KREMEN1: variants seen among roughly 807,000 people sequenced by gnomAD.
The protein encoded by KREMEN1 is kremen protein 1.
KREMEN1 carries 30 observed loss-of-function variants against 46.5 expected under a neutral mutation model. That is an observed-to-expected ratio of 0.65 (90% confidence interval 0.48 to 0.88). The LOEUF is 0.88. Among genes scored for constraint, KREMEN1 ranks in the 40% least tolerant of loss-of-function variants. KREMEN1 has a pLI of 0.00. For missense variants in KREMEN1, 533 were observed against 596.9 expected (o/e 0.89, Z 1.11); for synonymous variants, 214 against 230.6 (o/e 0.93, Z 0.65).
At chr22:29,074,024 G>A (rs1170304000) in intron 1 of KREMEN1, among the ~76,000 whole-genome samples, 10 of 152,198 alleles carry the variant, frequency 6.6e-5, no homozygotes, top group Admixed American at 6.5e-4. Context: ...CGCCTACACC[G>A]GTGGAACCCG....
At chr22:29,167,557 G>A (rs928641672) in exon 10 of KREMEN1, 9 of 159,320 alleles carry the variant, frequency 5.6e-5, no homozygotes, top group Non-Finnish European at 1.1e-4. Flanking sequence ...GCGGAAGGAG[G>A]GACTTCCCAC....
rs1302964542 is a variant in KREMEN1 at position 29,131,754 on chromosome 22, A to ATG, written c.632-5586_632-5585dup. ...TATATATGTGTATATATATGTATATATGTATATATATATGTATATATATAT... is the reference window on the plus strand; with the variant it reads ...TATATATGTGTATATATATGTATATATGTGTATATATATATGTATATATATAT... On this transcript the variant is annotated intron_variant, in intron 5 of 8. Coordinates refer to ENST00000400335, the MANE Select transcript of KREMEN1 (RefSeq NM_001039570.3). 2.2e-5 allele frequency among the ~76,000 whole-genome samples: 3 copies of ATG among 133,614 alleles called. No individual in the cohort carries two copies. The South Asian group carries it at 6.9e-4, about 31-fold the overall frequency. The allele number at this position is 133,614 out of a possible 152,430, so 87.7% of individuals were successfully genotyped here.
chr22:29,164,614 C>G (rs903609715), intron 9 of KREMEN1, among the ~76,000 whole-genome samples: 7 of 151,570 alleles, frequency 4.6e-5, no homozygotes, highest in African/African-American at 1.7e-4. Flanking sequence ...GGTGTGGTGG[C>G]GGGTGCCTGT....
intron 7 of KREMEN1, among the ~76,000 whole-genome samples, chr22:29,139,739 A>C (rs1022557044): frequency 2.6e-5 from 4 of 152,172 alleles, no homozygotes; most frequent in Non-Finnish European, 5.9e-5. Flanking sequence ...TGATGCCTTT[A>C]TGAGCTGGTA....
chr22:29,125,550 C>T (rs2038429114), intron 5 of KREMEN1, 134 bp downstream of exon 5: 2 of 888,982 alleles, frequency 2.2e-6, no homozygotes, highest in Non-Finnish European at 3.4e-6. Flanking sequence ...TGACTAGACC[C>T]TGGGAATACA....
rs553522216 is a variant in KREMEN1, at chr22:29,133,266, A to G, written c.632-4076A>G. Among the ~76,000 whole-genome samples the G allele has an allele frequency of 2.5e-4, 38 of 150,520 alleles. No homozygotes were observed. The East Asian group carries it at 6.0e-3, about 24-fold the overall frequency. On this transcript the variant is annotated intron_variant, in intron 5 of 8. Coordinates refer to ENST00000400335, the MANE Select transcript of KREMEN1 (RefSeq NM_001039570.3). ...CCATCTCAAAAAAAAAAAAAAGAAA[A>G]AAGAAAAAAGATTTTATCTTTGGTT...
At position 29,146,535 on chromosome 22, in the gene KREMEN1, C is replaced by T. The variant is rs2038867240; in HGVS notation, c.*4423C>T. The T allele has an allele frequency of 5.1e-6, 5 of 985,536 alleles. No homozygotes were observed. Among genetic ancestry groups the T allele is most frequent in the Admixed American group, 6.1e-5 (1 of 16,262 alleles). The allele number at this position is 985,536 out of a possible 1,614,324, so 61.0% of individuals were successfully genotyped here. On this transcript the variant is annotated 3_prime_UTR_variant, in exon 9 of 9. Transcript: ENST00000400335. ...GAGCTGCCATCGTGGGTCTCATGCA[C>T]GTCAAGACCTTCCCACATCCAAACT... is the stretch of plus-strand genomic sequence containing the variant.
intron 3 of KREMEN1, among the ~76,000 whole-genome samples, chr22:29,102,900 CTTTG>C (rs1322111634): frequency 6.6e-6 from 1 of 152,074 alleles, no homozygotes; most frequent in Admixed American, 6.6e-5. Flanking sequence ...TGGTGTCTGG[CTTTG>C]GTTCTTTGGA....
chr22:29,161,319 A>C (rs867053086), intron 9 of KREMEN1, among the ~76,000 whole-genome samples: 2 of 151,746 alleles, frequency 1.3e-5, no homozygotes, highest in East Asian at 3.9e-4. Flanking sequence ...CATCCTGGCT[A>C]ACATGATGAA....
At chr22:29,096,898 A>G (rs1400205271) in intron 2 of KREMEN1, among the ~76,000 whole-genome samples, 2 of 152,200 alleles carry the variant, frequency 1.3e-5, no homozygotes, top group Non-Finnish European at 1.5e-5. Flanking sequence ...ACCCGACACC[A>G]TGTTTGTCTT....
chr22:29,088,805 A>G (rs2037767352), intron 1 of KREMEN1, among the ~76,000 whole-genome samples: 1 of 152,178 alleles, frequency 6.6e-6, no homozygotes, highest in South Asian at 2.1e-4. Flanking sequence ...AGATAATCAA[A>G]TCTCTCATTT....
rs866183380 is a variant in KREMEN1 at position 29,101,258 on chromosome 22, A to G, written c.352+2305A>G. Among the ~76,000 whole-genome samples the G allele has an allele frequency of 6.5e-3, 977 of 150,654 alleles. 1 individual carries two copies. Among genetic ancestry groups the G allele is most frequent in the Non-Finnish European group, 0.012 (785 of 67,528 alleles). ...CACAACAAGAGTCTGTCTCCAAAAAAAAAAAAAAAAAAAAAAAGGATGTAA... is the reference window on the plus strand; with the variant it reads ...CACAACAAGAGTCTGTCTCCAAAAAGAAAAAAAAAAAAAAAAAGGATGTAA... On this transcript the variant is annotated intron_variant, in intron 3 of 8. Transcript: ENST00000400335.
chr22:29,099,844 G>A (rs1259758102), intron 3 of KREMEN1, among the ~76,000 whole-genome samples: 7 of 151,660 alleles, frequency 4.6e-5, no homozygotes, highest in Non-Finnish European at 7.4e-5. Flanking sequence ...CACCACACCC[G>A]GCACCTGTAT....
chr22:29,145,280 T>A lies in KREMEN1; in HGVS notation c.*3168T>A, dbSNP rs530950330. ...GGGGTTGGAGGTGGCGAAAAGAGGG[T>A]AACCCTGGGAAAGTCAGTCAGAACC... On this transcript the variant is annotated 3_prime_UTR_variant, in exon 9 of 9. Transcript: ENST00000400335. 1 of 985,530 alleles carries A rather than the reference T, an allele frequency of 1.0e-6. No individual in the cohort carries two copies. Among genetic ancestry groups the A allele is most frequent in the South Asian group, 4.7e-5 (1 of 21,278 alleles). The allele number at this position is 985,530 out of a possible 1,614,324, so 61.0% of individuals were successfully genotyped here.
In KREMEN1 at chr22:29,094,572, TACACACACACACACAC is replaced by T. The variant is rs134658; in HGVS notation, c.260+180_260+195del. On this transcript the variant is annotated intron_variant, in intron 2 of 8. Coordinates refer to ENST00000400335, the MANE Select transcript of KREMEN1 (RefSeq NM_001039570.3). Reference sequence around the variant, plus strand: ...TTTTAAAAATATTTCTTTCACACCTTACACACACACACACACACACACACACACACACACACACACA... The same window carrying T: ...TTTTAAAAATATTTCTTTCACACCTTACACACACACACACACACACACACA... 6.3e-3 allele frequency: 1,610 copies of T among 255,760 alleles called. 36 individuals are homozygous for T. Among genetic ancestry groups the T allele is most frequent in the African/African-American group, 0.04 (1,486 of 36,698 alleles). The allele number at this position is 255,760 out of a possible 1,614,324, so 15.8% of individuals were successfully genotyped here.
chr22:29,138,205 A>G (rs2038701530), intron 6 of KREMEN1, among the ~76,000 whole-genome samples: 1 of 152,374 alleles, frequency 6.6e-6, no homozygotes, highest in African/African-American at 2.4e-5. Flanking sequence ...CTGGATAGCA[A>G]ACCTCAAGAA....
chr22:29,100,787 G>T (rs997014976), intron 3 of KREMEN1, among the ~76,000 whole-genome samples: 1 of 152,162 alleles, frequency 6.6e-6, no homozygotes, highest in Non-Finnish European at 1.5e-5. Flanking sequence ...GTGGGTTATT[G>T]TCTCCTTCCA....
intron 1 of KREMEN1, among the ~76,000 whole-genome samples, chr22:29,093,831 C>T (rs1008607398): frequency 3.9e-5 from 6 of 152,184 alleles, no homozygotes; most frequent in Non-Finnish European, 8.8e-5. Flanking sequence ...AGCTCAGTTA[C>T]AGCTGGTGAC....
At chr22:29,077,096 G>A (rs1241590968) in intron 1 of KREMEN1, among the ~76,000 whole-genome samples, 2 of 152,144 alleles carry the variant, frequency 1.3e-5, no homozygotes, top group African/African-American at 4.8e-5. Flanking sequence ...AGGGATTTTT[G>A]GTGATGGGGA....
Sources: gnomAD v4.1 joint callset for allele counts (sites outside exome capture counted in the v4.1 genomes callset) on GRCh38, gnomAD v4.1.1 for gene constraint, MANE v1.5 for transcripts, NCBI Gene and HGNC (gene_info 2026-07-23, HGNC 2026-07-21) for gene names.